NTNG1: variants seen among roughly 807,000 people sequenced by gnomAD.
NTNG1 encodes netrin-G1.
A neutral mutation model predicts 54.0 loss-of-function variants in NTNG1; 16 were observed. The observed-to-expected ratio is 0.30, with a 90% CI of 0.20 to 0.45. The LOEUF is 0.45. NTNG1 is among the 20% of genes least tolerant of loss of function. NTNG1 has a pLI of 1.00. For synonymous variants in NTNG1, 255 were observed against 263.1 expected (o/e 0.97, Z 0.30); for missense variants, 530 against 678.7 (o/e 0.78, Z 2.43).
At chr1:107,346,908 A>T (rs1669277959) in intron 3 of NTNG1, among the ~76,000 whole-genome samples, 1 of 144,038 alleles carries the variant, frequency 6.9e-6, no homozygotes, top group East Asian at 2.1e-4. Context: ...AAAAAAAAAA[A>T]ATGAAAAATC....
At chr1:107,263,751 T>C (rs1041733137) in intron 2 of NTNG1, among the ~76,000 whole-genome samples, 4 of 152,232 alleles carry the variant, frequency 2.6e-5, no homozygotes, top group African/African-American at 9.6e-5. Context: ...TTGAGAGTTA[T>C]GCTCACGGCA....
chr1:107,274,424 G>A (rs1304972034), intron 2 of NTNG1, among the ~76,000 whole-genome samples: 1 of 152,202 alleles, frequency 6.6e-6, no homozygotes, highest in Non-Finnish European at 1.5e-5. Context: ...TACTTGACAT[G>A]TGCTAAGGAC....
intron 2 of NTNG1, among the ~76,000 whole-genome samples, chr1:107,230,340 T>G (rs866528114): frequency 6.6e-6 from 1 of 152,210 alleles, no homozygotes; most frequent in South Asian, 2.1e-4. Flanking sequence ...CAGGTTCCAG[T>G]CAGTCCATTG....
At position 107,332,937 on chromosome 1, in the gene NTNG1, A is replaced by G. The variant is rs546317788; in HGVS notation, c.887+8015A>G. Among the ~76,000 whole-genome samples, 5 of 152,166 alleles carry G rather than the reference A, an allele frequency of 3.3e-5. No homozygotes were observed. In the South Asian group the frequency reaches 1.0e-3, roughly 32 times the overall value. ...AATCAATAGCAAAGGGGAAAGGAAA[A>G]TTTAAAAATTACTTATGTTGGTGTA... is the stretch of plus-strand genomic sequence containing the variant. On this transcript the variant is annotated intron_variant, in intron 3 of 7. Coordinates refer to ENST00000370068, the MANE Select transcript of NTNG1 (RefSeq NM_001113226.3).
intron 3 of NTNG1, among the ~76,000 whole-genome samples, chr1:107,368,941 TA>T (rs1670753180): frequency 2.6e-5 from 4 of 152,358 alleles, no homozygotes; most frequent in Admixed American, 2.6e-4. Flanking sequence ...GTAGTGAACA[TA>T]TCCATTATGC....
chr1:107,229,026 G>A (rs1300076196), intron 2 of NTNG1, among the ~76,000 whole-genome samples: 1 of 152,088 alleles, frequency 6.6e-6, no homozygotes, highest in Non-Finnish European at 1.5e-5. Context: ...GAGGATGCAT[G>A]AAACATAGCC....
chr1:107,142,676 A>G (rs941181207), intron 1 of NTNG1, among the ~76,000 whole-genome samples: 4 of 92,672 alleles, frequency 4.3e-5, no homozygotes, highest in Non-Finnish European at 6.5e-5. Flanking sequence ...TACAGAAATG[A>G]AAAAAAAAAA....
chr1:107,182,828 C>G (rs78307273), intron 2 of NTNG1, among the ~76,000 whole-genome samples: 2,842 of 152,232 alleles, frequency 0.019, 88 homozygotes, highest in African/African-American at 0.065. Flanking sequence ...GAGACCATTC[C>G]TCTGTCCGCT....
chr1:107,395,354 AT>A (rs1312771331), intron 4 of NTNG1, 28 bp downstream of exon 4: 1 of 1,590,552 alleles, frequency 6.3e-7, no homozygotes, highest in South Asian at 1.1e-5. Flanking sequence ...GTAACAGCAT[AT>A]TCTGTGCACC....
At chr1:107,258,723 A>C (rs1012853999) in intron 2 of NTNG1, among the ~76,000 whole-genome samples, 1 of 152,218 alleles carries the variant, frequency 6.6e-6, no homozygotes, top group South Asian at 2.1e-4. Flanking sequence ...CACAGGGTAC[A>C]ATTGGCCACT....
intron 7 of NTNG1, among the ~76,000 whole-genome samples, chr1:107,443,561 T>G (rs1676114996): frequency 6.6e-6 from 1 of 152,114 alleles, no homozygotes; most frequent in Admixed American, 6.6e-5. Flanking sequence ...TGTTTCTAGT[T>G]GCTGTCTCTT....
At chr1:107,155,014 A>C (rs1333104798) in intron 2 of NTNG1, among the ~76,000 whole-genome samples, 3 of 152,062 alleles carry the variant, frequency 2.0e-5, no homozygotes, top group Non-Finnish European at 4.4e-5. Context: ...GTCCCCCTGG[A>C]GATAACCTTG....
At chr1:107,279,821 C>G (rs755106047) in intron 2 of NTNG1, among the ~76,000 whole-genome samples, 3 of 152,070 alleles carry the variant, frequency 2.0e-5, no homozygotes, top group Non-Finnish European at 4.4e-5. Context: ...GGTGGGGTCT[C>G]TCTCTGTTGC....
intron 2 of NTNG1, among the ~76,000 whole-genome samples, chr1:107,290,097 G>A (rs1665482822): frequency 1.3e-5 from 2 of 152,092 alleles, no homozygotes; most frequent in South Asian, 2.1e-4. Context: ...TAGTTCTCCT[G>A]TACCACGAAT....
chr1:107,207,924 T>C (rs1456786461), intron 2 of NTNG1, among the ~76,000 whole-genome samples: 1 of 152,150 alleles, frequency 6.6e-6, no homozygotes, highest in Non-Finnish European at 1.5e-5. Flanking sequence ...AGCTGAACTT[T>C]CTTCTCCTTC....
At chr1:107,237,525 A>G (rs1168775625) in intron 2 of NTNG1, among the ~76,000 whole-genome samples, 1 of 152,206 alleles carries the variant, frequency 6.6e-6, no homozygotes, top group Admixed American at 6.5e-5. Flanking sequence ...AAATGTCTCC[A>G]GGGCACATCA....
chr1:107,313,669 G>A (rs1271671782), intron 2 of NTNG1, among the ~76,000 whole-genome samples: 2 of 152,090 alleles, frequency 1.3e-5, no homozygotes, highest in African/African-American at 4.8e-5. Context: ...GTGAGGAGGA[G>A]TAGATGATGG....
intron 4 of NTNG1, 76 bp from the exon 5 acceptor site, chr1:107,407,606 T>G (rs892690316): frequency 8.1e-7 from 1 of 1,235,616 alleles, no homozygotes; most frequent in African/African-American, 1.5e-5. Flanking sequence ...GTTTCTAAGA[T>G]TTTTATATTA....
chr1:107,172,887 G>C lies in NTNG1; in HGVS notation c.246+24048G>C, dbSNP rs74679853. Among the ~76,000 whole-genome samples, 1,103 of 152,274 alleles carry C rather than the reference G, an allele frequency of 7.2e-3. 13 individuals are homozygous for C. Among genetic ancestry groups the C allele is most frequent in the African/African-American group, 0.025 (1,045 of 41,574 alleles). On this transcript the variant is annotated intron_variant, in intron 2 of 7. Transcript: ENST00000370068. ...TAGAAGAAAGTAATTTTTCTTGGCA[G>C]ACTCTAAAGTAGATAATTTGGCAAT...
Sources: gnomAD v4.1 joint callset for allele counts (sites outside exome capture counted in the v4.1 genomes callset) on GRCh38, gnomAD v4.1.1 for gene constraint, MANE v1.5 for transcripts, NCBI Gene and HGNC (gene_info 2026-07-23, HGNC 2026-07-21) for gene names.